Variants in GJB7 observed in about 807,000 individuals in gnomAD.
The protein encoded by GJB7 is gap junction beta-7 protein.
For missense variants in GJB7, 253 were observed against 256.8 expected (o/e 0.99, Z 0.10); for synonymous variants, 87 against 95.2 (o/e 0.91, Z 0.50).
intron 1 of GJB7, among the ~76,000 whole-genome samples, chr6:87,326,214 C>CTACCAA (rs1228525825): frequency 6.6e-6 from 1 of 152,174 alleles, no homozygotes; most frequent in African/African-American, 2.4e-5. Flanking sequence ...GTTCAAAAAA[C>CTACCAA]CAGCTCCTGG....
intron 1 of GJB7, among the ~76,000 whole-genome samples, chr6:87,323,431 C>A (rs1428554099): frequency 8.6e-6 from 1 of 116,816 alleles, no homozygotes; most frequent in African/African-American, 3.3e-5. Context: ...CCCCTCCCCC[C>A]ACCCCACAAC....
In GJB7 at chr6:87,327,010, A is replaced by G. The variant is rs866817757; in HGVS notation, c.-206+2128T>C. On this transcript the variant is annotated intron_variant, in intron 1 of 2. Transcript: ENST00000525899. ...CTCTTCTTGTTGAATTGATCCCTTT[A>G]CCATTATGTAATGGCCTTCTTTGTG... is the stretch of plus-strand genomic sequence containing the variant. Among the ~76,000 whole-genome samples the G allele has an allele frequency of 1.6e-4, 21 of 134,028 alleles. 1 individual carries two copies. Among genetic ancestry groups the G allele is most frequent in the Non-Finnish European group, 2.7e-4 (17 of 62,822 alleles). The allele number at this position is 134,028 out of a possible 152,430, so 87.9% of individuals were successfully genotyped here.
At chr6:87,321,058 A>G (rs944322156) in intron 2 of GJB7, among the ~76,000 whole-genome samples, 27 of 152,122 alleles carry the variant, frequency 1.8e-4, no homozygotes, top group African/African-American at 6.0e-4. Context: ...GTCTCTATTA[A>G]AAATGCAAAA....
At chr6:87,306,085 C>T (rs1355352385) in intron 2 of GJB7, among the ~76,000 whole-genome samples, 6 of 151,920 alleles carry the variant, frequency 3.9e-5, no homozygotes, top group African/African-American at 1.4e-4. Context: ...TAGAAGAAAA[C>T]CTAGGCATTA....
intron 2 of GJB7, among the ~76,000 whole-genome samples, chr6:87,305,050 C>A (rs925495074): frequency 2.0e-5 from 3 of 152,186 alleles, no homozygotes; most frequent in Non-Finnish European, 4.4e-5. Context: ...CTATTTCTGA[C>A]AAACCCACAG....
At chr6:87,325,983 G>C (rs559546381) in intron 1 of GJB7, among the ~76,000 whole-genome samples, 2 of 152,264 alleles carry the variant, frequency 1.3e-5, no homozygotes, top group African/African-American at 4.8e-5. Context: ...CTTCTTCCTA[G>C]TTTAGTCTTG....
chr6:87,297,142 G>A (rs762176780), intron 2 of GJB7, among the ~76,000 whole-genome samples: 2 of 152,156 alleles, frequency 1.3e-5, no homozygotes, highest in Non-Finnish European at 2.9e-5. Context: ...GTGGCCACAG[G>A]ACCCAACGAA....
chr6:87,295,698 G>A (rs1398787099), intron 2 of GJB7, among the ~76,000 whole-genome samples: 1 of 152,138 alleles, frequency 6.6e-6, no homozygotes, highest in African/African-American at 2.4e-5. Flanking sequence ...CAATCTAGTG[G>A]CATGAAGGAC....
chr6:87,316,268 C>CA (rs1240466200), intron 2 of GJB7, among the ~76,000 whole-genome samples: 5 of 152,168 alleles, frequency 3.3e-5, no homozygotes, highest in Non-Finnish European at 7.4e-5. Context: ...TTGCTGGATC[C>CA]ATGTGCCCAA....
intron 2 of GJB7, among the ~76,000 whole-genome samples, chr6:87,287,784 CTG>C (rs1464025452): frequency 2.6e-5 from 4 of 151,998 alleles, no homozygotes; most frequent in African/African-American, 9.7e-5. Context: ...AGGTAAGAGA[CTG>C]TGTTGCTAAA....
At chr6:87,303,306 C>T (rs529379235) in intron 2 of GJB7, among the ~76,000 whole-genome samples, 14 of 151,856 alleles carry the variant, frequency 9.2e-5, no homozygotes, top group South Asian at 6.2e-4. Flanking sequence ...GACACACATA[C>T]GCTCAAAATA....
rs570692210 is a variant in GJB7 at position 87,293,642 on chromosome 6, C to T, written c.-27-8703G>A. On this transcript the variant is annotated intron_variant, in intron 2 of 2. Coordinates refer to ENST00000525899, the MANE Select transcript of GJB7 (RefSeq NM_198568.3). The stretch of plus-strand genomic sequence containing the variant: ...CTTTATCCATGACCTTAAAGCATCA[C>T]CTGTTTGTGCTAAGACACCTTCTGC... Among the ~76,000 whole-genome samples the T allele has an allele frequency of 2.6e-5, 4 of 152,292 alleles. No individual in the cohort carries two copies. In the East Asian group the frequency reaches 5.8e-4, roughly 22 times the overall value.
intron 2 of GJB7, among the ~76,000 whole-genome samples, chr6:87,287,670 T>G (rs1195549129): frequency 1.3e-5 from 2 of 152,186 alleles, no homozygotes; most frequent in Non-Finnish European, 2.9e-5. Flanking sequence ...TGTTTCCCTA[T>G]GACATGTATC....
chr6:87,312,296 G>A (rs1160208605), intron 2 of GJB7, among the ~76,000 whole-genome samples: 1 of 151,402 alleles, frequency 6.6e-6, no homozygotes, highest in Non-Finnish European at 1.5e-5. Flanking sequence ...GATGGATCAC[G>A]AGGTCAAGAG....
At chr6:87,327,836 A>G (rs1413209945) in intron 1 of GJB7, among the ~76,000 whole-genome samples, 2 of 149,118 alleles carry the variant, frequency 1.3e-5, no homozygotes, top group Non-Finnish European at 3.0e-5. Flanking sequence ...CCTGGATAAT[A>G]TCCTGCAGAG....
chr6:87,307,338 C>T lies in GJB7; in HGVS notation c.-28+15528G>A, dbSNP rs575155160. On this transcript the variant is annotated intron_variant, in intron 2 of 2. Transcript: ENST00000525899. ...GGGCAAGGACTTCATGTCTAAAACA[C>T]CAAAAGTAATGGCAACAAAAGCCAA... 3.3e-5 allele frequency among the ~76,000 whole-genome samples: 5 copies of T among 152,054 alleles called. No individual in the cohort carries two copies. In the South Asian group the frequency reaches 1.0e-3, roughly 32 times the overall value.
chr6:87,314,079 C>T (rs1041595157), intron 2 of GJB7, among the ~76,000 whole-genome samples: 1 of 152,226 alleles, frequency 6.6e-6, no homozygotes, highest in Admixed American at 6.5e-5. Flanking sequence ...TCATAAGGTA[C>T]TGCTTTTTAT....
Position 87,284,837 on chromosome 6 carries a change from C to T in GJB7, c.76G>A (p.Ala26Thr). The change falls in exon 3 of 3, where the codon GCT becomes ACT. Residue 26 changes from alanine (A) to threonine (T), a missense_variant. Physicochemically the swap from Ala to Thr is moderately conservative, Grantham distance 58 (BLOSUM62 0). Transcript: ENST00000525899. Reference protein sequence around the residue: ...YSTGTGWIWLAVVFVFRLLVY... With the variant: ...YSTGTGWIWLTVVFVFRLLVY... ...AGCAAACGGAAGACAAACACGACAG[C>T]CAGCCAAATCCATCCAGTCCCAGTG... is the stretch of plus-strand genomic sequence containing the variant. 6.2e-7 allele frequency: 1 copy of T among 1,614,068 alleles called. No individual in the cohort carries two copies. Among genetic ancestry groups the T allele is most frequent in the Non-Finnish European group, 8.5e-7 (1 of 1,179,982 alleles).
intron 2 of GJB7, chr6:87,300,373 G>A (rs747770944): frequency 2.6e-5 from 6 of 227,444 alleles, no homozygotes; most frequent in Non-Finnish European, 4.8e-5. Context: ...TAAATCATAA[G>A]CTGTAATTAC....
Sources: allele counts gnomAD v4.1 joint callset (sites outside exome capture counted in the v4.1 genomes callset), GRCh38; gene constraint gnomAD v4.1.1; transcripts MANE v1.5; gene names NCBI Gene and HGNC (gene_info 2026-07-23, HGNC 2026-07-21).